Variants in ANKRD6 observed in about 807,000 individuals in gnomAD.
ANKRD6 encodes ankyrin repeat domain 6.
In ANKRD6, 56 loss-of-function variants were observed where a neutral mutation model predicts 82.3. The observed-to-expected ratio is 0.68, with a 90% CI of 0.55 to 0.85. ANKRD6 has a LOEUF of 0.85. Among genes scored for constraint, ANKRD6 ranks in the 40% least tolerant of loss-of-function variants. The probability of loss-of-function intolerance (pLI) is 0.00; values close to 1 mark genes in which losing one functional copy is unlikely to be tolerated. For synonymous variants in ANKRD6, 347 were observed against 352.1 expected, an observed-to-expected ratio of 0.99 and a Z score of 0.16; for missense variants, 852 against 907.6, an observed-to-expected ratio of 0.94 and a Z score of 0.79.
intron 1 of ANKRD6, among the ~76,000 whole-genome samples, chr6:89,439,215 G>A (rs965385947): frequency 6.6e-6 from 1 of 152,042 alleles, no homozygotes; most frequent in Non-Finnish European, 1.5e-5. Context: ...TGAGAAAGAC[G>A]GAGCAGAGAA....
intron 1 of ANKRD6, among the ~76,000 whole-genome samples, chr6:89,447,357 T>A (rs1444464604): frequency 1.3e-5 from 2 of 152,106 alleles, no homozygotes; most frequent in Non-Finnish European, 1.5e-5. Flanking sequence ...GTGGTCTAGA[T>A]AGATTAAACC....
intron 1 of ANKRD6, among the ~76,000 whole-genome samples, chr6:89,544,794 A>T (rs1473648804): frequency 6.6e-6 from 1 of 152,222 alleles, no homozygotes; most frequent in Non-Finnish European, 1.5e-5. Flanking sequence ...TATTCTCTGC[A>T]TGATCCTTAT....
intron 1 of ANKRD6, among the ~76,000 whole-genome samples, chr6:89,563,365 C>T (rs946370046): frequency 6.6e-6 from 1 of 152,178 alleles, no homozygotes; most frequent in African/African-American, 2.4e-5. Flanking sequence ...GCATTGCATA[C>T]TTATGCTCAT....
intron 9 of ANKRD6, chr6:89,618,344 G>T: frequency 1.6e-6 from 1 of 611,092 alleles, no homozygotes. Context: ...TCGCAGGACA[G>T]GGCCATGATT....
At chr6:89,551,225 C>T (rs1373738807) in intron 1 of ANKRD6, among the ~76,000 whole-genome samples, 1 of 152,128 alleles carries the variant, frequency 6.6e-6, no homozygotes, top group African/African-American at 2.4e-5. Flanking sequence ...GAGCCCCCAC[C>T]TATCGTCAGT....
intron 2 of ANKRD6, among the ~76,000 whole-genome samples, chr6:89,588,329 A>G (rs1794190467): frequency 1.3e-5 from 2 of 152,180 alleles, no homozygotes; most frequent in South Asian, 4.1e-4. Context: ...GTAATGTTAC[A>G]ACTTTCTTGC....
chr6:89,532,814 A>G (rs1274881861), intron 1 of ANKRD6, among the ~76,000 whole-genome samples: 1 of 150,396 alleles, frequency 6.6e-6, no homozygotes, highest in African/African-American at 2.4e-5. Flanking sequence ...CCATCTTCCC[A>G]CCTCAGCCTC....
intron 1 of ANKRD6, among the ~76,000 whole-genome samples, chr6:89,514,886 T>G (rs1467936999): frequency 6.6e-6 from 1 of 152,206 alleles, no homozygotes; most frequent in African/African-American, 2.4e-5. Flanking sequence ...TTTTAAAATT[T>G]TAGTCCTTCT....
intron 7 of ANKRD6, among the ~76,000 whole-genome samples, chr6:89,615,731 T>TAG (rs993612304): frequency 6.6e-6 from 1 of 151,914 alleles, no homozygotes; most frequent in Admixed American, 6.5e-5. Context: ...TCAGGCGCTT[T>TAG]GCCTGATCAC....
intron 1 of ANKRD6, among the ~76,000 whole-genome samples, chr6:89,479,063 G>A (rs771426150): frequency 3.3e-5 from 5 of 152,158 alleles, no homozygotes; most frequent in Admixed American, 6.5e-5. Context: ...ATTGCACTAG[G>A]TTTAGGAATA....
intron 2 of ANKRD6, among the ~76,000 whole-genome samples, chr6:89,572,544 G>T (rs1790157116): frequency 6.6e-6 from 1 of 152,132 alleles, no homozygotes; most frequent in Non-Finnish European, 1.5e-5. Context: ...TGTCCCATTT[G>T]TCTATTTTTG....
chr6:89,528,388 A>T (rs1470033712), intron 1 of ANKRD6, among the ~76,000 whole-genome samples: 1 of 152,246 alleles, frequency 6.6e-6, no homozygotes, highest in African/African-American at 2.4e-5. Context: ...GCTCATCCGT[A>T]AGAAGGAACT....
chr6:89,514,050 A>T (rs1455077409), intron 1 of ANKRD6, among the ~76,000 whole-genome samples: 1 of 152,182 alleles, frequency 6.6e-6, no homozygotes, highest in Non-Finnish European at 1.5e-5. Flanking sequence ...ATGGCTTTTC[A>T]TGTGGCCCAA....
At chr6:89,443,163 A>C (rs1771640564) in intron 1 of ANKRD6, among the ~76,000 whole-genome samples, 1 of 152,174 alleles carries the variant, frequency 6.6e-6, no homozygotes, top group Non-Finnish European at 1.5e-5. Flanking sequence ...TTTTAATCTT[A>C]CTGCTGGTCA....
At chr6:89,546,172 C>T (rs1453376152) in intron 1 of ANKRD6, among the ~76,000 whole-genome samples, 1 of 152,152 alleles carries the variant, frequency 6.6e-6, no homozygotes, top group Non-Finnish European at 1.5e-5. Flanking sequence ...AAACAGCTGA[C>T]ACTTTGAGAA....
At chr6:89,489,450 C>T (rs1357830468) in intron 1 of ANKRD6, among the ~76,000 whole-genome samples, 1 of 152,124 alleles carries the variant, frequency 6.6e-6, no homozygotes, top group Non-Finnish European at 1.5e-5. Flanking sequence ...ATCTGGCTCC[C>T]CAGTTGGTAT....
chr6:89,478,564 C>G (rs1297390269), intron 1 of ANKRD6: 3 of 151,840 alleles, frequency 2.0e-5, no homozygotes, highest in Admixed American at 1.3e-4. Flanking sequence ...GAAACCCCAT[C>G]TCTACTAAAA....
At chr6:89,562,731 T>A (rs2128054239) in intron 1 of ANKRD6, 1 of 152,300 alleles carries the variant, frequency 6.6e-6, no homozygotes, top group East Asian at 1.9e-4. Context: ...TTGGCCAGCA[T>A]CAGCAGAGGA....
intron 1 of ANKRD6, among the ~76,000 whole-genome samples, chr6:89,456,905 C>T (rs1479125910): frequency 6.6e-6 from 1 of 152,100 alleles, no homozygotes; most frequent in African/African-American, 2.4e-5. Flanking sequence ...TATTGTATCT[C>T]AATACAATAA....
Sources: allele counts gnomAD v4.1 joint callset (sites outside exome capture counted in the v4.1 genomes callset), GRCh38; gene constraint gnomAD v4.1.1; transcripts MANE v1.5; gene names NCBI Gene and HGNC (gene_info 2026-07-23, HGNC 2026-07-21).